The following DOCK2 variants were observed in gnomAD, a reference collection of about 807,000 sequenced individuals.
DOCK2 encodes the protein dedicator of cytokinesis protein 2.
DOCK2 carries 87 observed loss-of-function variants against 248.9 expected under a neutral mutation model. The ratio of observed to expected loss-of-function variants is 0.35; its 90% CI spans 0.29 to 0.42. The LOEUF (loss-of-function observed/expected upper bound fraction) is 0.42, where lower values mean the gene tolerates loss of function less well. Ranked by LOEUF, DOCK2 falls within the 10% of genes least tolerant of loss-of-function variation. The pLI is 1.00. For missense variants in DOCK2, 1,747 were observed against 2,300.2 expected (o/e 0.76, Z 4.92); for synonymous variants, 805 against 821.6 (o/e 0.98, Z 0.35).
intron 28 of DOCK2, among the ~76,000 whole-genome samples, chr5:169,983,637 C>G (rs1777995518): frequency 6.6e-6 from 1 of 152,200 alleles, no homozygotes; most frequent in Admixed American, 6.5e-5. Flanking sequence ...TGGCTTCTAT[C>G]TCTGCAGCTG....
rs557479725 is a variant in DOCK2 at position 169,650,675 on chromosome 5, A to G, written c.44-3728A>G. On this transcript the variant is annotated intron_variant, in intron 1 of 51. Transcript: ENST00000520908. The stretch of plus-strand genomic sequence containing the variant: ...GTGGCTTGCCAACCTGGGATTTCCA[A>G]TGTGAGTCCTTGCTGGAGTCAGTGA... Among the ~76,000 whole-genome samples, 11 of 152,264 alleles carry G rather than the reference A, an allele frequency of 7.2e-5. 1 individual carries two copies. The South Asian group carries it at 2.1e-3, about 29-fold the overall frequency.
At chr5:169,938,225 CTTT>C (rs573891252) in intron 27 of DOCK2, among the ~76,000 whole-genome samples, 2 of 143,326 alleles carry the variant, frequency 1.4e-5, no homozygotes, top group Admixed American at 7.0e-5. Context: ...TTTCTTTCTT[CTTT>C]TTTTTTTTTT....
intron 1 of DOCK2, among the ~76,000 whole-genome samples, chr5:169,637,672 T>C (rs1241854475): frequency 6.6e-6 from 1 of 152,096 alleles, no homozygotes; most frequent in Non-Finnish European, 1.5e-5. Flanking sequence ...AAACTCGGCG[T>C]CCCCAGGAGT....
At chr5:169,800,474 T>C (rs1166003503) in intron 25 of DOCK2, among the ~76,000 whole-genome samples, 1 of 152,232 alleles carries the variant, frequency 6.6e-6, no homozygotes, top group Non-Finnish European at 1.5e-5. Flanking sequence ...GGCACTTGAA[T>C]ATTAGTTCAG....
At chr5:169,775,493 T>A (rs1765334536) in intron 25 of DOCK2, among the ~76,000 whole-genome samples, 1 of 152,146 alleles carries the variant, frequency 6.6e-6, no homozygotes. Context: ...TTTCAAATGA[T>A]ATAGAAAACA....
chr5:169,749,247 A>T (rs1216249678), intron 23 of DOCK2, among the ~76,000 whole-genome samples: 1 of 152,222 alleles, frequency 6.6e-6, no homozygotes. Context: ...AAATTGAAAA[A>T]GAGATGAAGC....
chr5:169,958,675 A>C (rs953945643), intron 27 of DOCK2, among the ~76,000 whole-genome samples: 3 of 152,028 alleles, frequency 2.0e-5, no homozygotes, highest in African/African-American at 4.8e-5. Flanking sequence ...TTAGGCGTGG[A>C]GCTCTCTTGA....
chr5:169,989,022 A>G (rs1409760223), intron 29 of DOCK2, among the ~76,000 whole-genome samples: 1 of 152,104 alleles, frequency 6.6e-6, no homozygotes, highest in African/African-American at 2.4e-5. Context: ...CCTTCCTTCC[A>G]TGATCTGTAT....
chr5:169,821,484 G>T (rs1768435951), intron 26 of DOCK2, among the ~76,000 whole-genome samples: 3 of 152,228 alleles, frequency 2.0e-5, no homozygotes, highest in Admixed American at 2.0e-4. Context: ...TTAAAGAAAA[G>T]AATTTTCAAC....
intron 22 of DOCK2, among the ~76,000 whole-genome samples, chr5:169,731,568 C>T (rs936740556): frequency 2.6e-5 from 4 of 152,088 alleles, no homozygotes; most frequent in African/African-American, 4.8e-5. Context: ...AACACGAAAA[C>T]GGACTAATAC....
chr5:169,706,639 G>C (rs756363414), intron 14 of DOCK2, among the ~76,000 whole-genome samples: 3 of 152,178 alleles, frequency 2.0e-5, no homozygotes, highest in Admixed American at 1.3e-4. Flanking sequence ...GTTCTGGAAG[G>C]CTTCATCCCA....
At chr5:169,974,909 A>T (rs1777662711) in intron 27 of DOCK2, among the ~76,000 whole-genome samples, 1 of 151,834 alleles carries the variant, frequency 6.6e-6, no homozygotes, top group Admixed American at 6.6e-5. Flanking sequence ...GCCATTAAAA[A>T]CTGGGGTATC....
intron 25 of DOCK2, among the ~76,000 whole-genome samples, chr5:169,767,903 G>A (rs1386264868): frequency 6.6e-6 from 1 of 152,070 alleles, no homozygotes; most frequent in Non-Finnish European, 1.5e-5. Flanking sequence ...AACGTATTAG[G>A]GTATTAATAT....
intron 25 of DOCK2, among the ~76,000 whole-genome samples, chr5:169,794,981 G>T (rs534023304): frequency 6.6e-6 from 1 of 152,264 alleles, no homozygotes; most frequent in South Asian, 2.1e-4. Context: ...GATTGCTTAA[G>T]CCCAGGAGTT....
chr5:169,996,248 C>A, intron 30 of DOCK2, 84 bp downstream of exon 30: 1 of 1,388,924 alleles, frequency 7.2e-7, no homozygotes, highest in South Asian at 1.3e-5. Flanking sequence ...CAGACACATC[C>A]CAAAGGCCAC....
At chr5:169,765,490 G>T (rs1301006293) in intron 25 of DOCK2, among the ~76,000 whole-genome samples, 1 of 152,320 alleles carries the variant, frequency 6.6e-6, no homozygotes, top group East Asian at 1.9e-4. Context: ...CCCGGAGAAA[G>T]CTCCAAGAGG....
chr5:169,966,816 C>G (rs930011857), intron 27 of DOCK2, among the ~76,000 whole-genome samples: 1 of 152,202 alleles, frequency 6.6e-6, no homozygotes, highest in Admixed American at 6.5e-5. Flanking sequence ...AGGCTCCAGC[C>G]ATCATGCAAT....
chr5:169,911,634 A>G (rs1168683134), intron 27 of DOCK2, among the ~76,000 whole-genome samples: 3 of 152,162 alleles, frequency 2.0e-5, no homozygotes, highest in Non-Finnish European at 4.4e-5. Context: ...CTCATATTCA[A>G]TTCTTTTCTG....
chr5:170,075,823 G>A (rs1020147442), intron 46 of DOCK2, 124 bp from the exon 47 acceptor site: 30 of 1,291,306 alleles, frequency 2.3e-5, no homozygotes, highest in African/African-American at 4.4e-5. Flanking sequence ...AGGTTTCTGA[G>A]GACCCTGAAG....
Sources: allele counts gnomAD v4.1 joint callset (sites outside exome capture counted in the v4.1 genomes callset), GRCh38; gene constraint gnomAD v4.1.1; transcripts MANE v1.5; gene names NCBI Gene and HGNC (gene_info 2026-07-23, HGNC 2026-07-21).